Variants in TARBP1 observed in about 807,000 individuals in gnomAD.
TARBP1 encodes the protein tRNA (guanosine(18)-2'-O)-methyltransferase TARBP1.
A neutral mutation model predicts 178.6 loss-of-function variants in TARBP1; 144 were observed. That is an observed-to-expected ratio of 0.81 (90% CI 0.70 to 0.93). The LOEUF is 0.93. Ranked by LOEUF, TARBP1 falls within the 40% of genes least tolerant of loss-of-function variation. The probability of loss-of-function intolerance (pLI) is 0.00; values close to 1 mark genes in which losing one functional copy is unlikely to be tolerated. For synonymous variants in TARBP1, 787 were observed against 781.0 expected (o/e 1.01, Z -0.13); for missense variants, 2,067 against 2,011.7 (o/e 1.03, Z -0.53).
At chr1:234,411,023 T>C (rs1661755950) in intron 22 of TARBP1, among the ~76,000 whole-genome samples, 2 of 152,152 alleles carry the variant, frequency 1.3e-5, no homozygotes. Context: ...TTAGCTGAGA[T>C]CGTGCCACTG....
At chr1:234,433,378 A>T (rs780152244) in intron 14 of TARBP1, 32 bp downstream of exon 14, 1 of 1,600,188 alleles carries the variant, frequency 6.2e-7, no homozygotes, top group Non-Finnish European at 8.5e-7. Context: ...CTTATTCAAG[A>T]TAACTACAAA....
rs148832783 is a variant in TARBP1 at position 234,455,158 on chromosome 1, GACTTCTGGCCTCC to G, written c.1722+2496_1722+2508del. On this transcript the variant is annotated intron_variant, in intron 9 of 29. Coordinates refer to ENST00000040877, the MANE Select transcript of TARBP1 (RefSeq NM_005646.4). ...TTGCAGACGAGTGAAACGGATTCCA[GACTTCTGGCCTCC>G]AGAACTGTAAGGGAATAAATGTATG... is the stretch of plus-strand genomic sequence containing the variant. Among the ~76,000 whole-genome samples, 23 of 152,286 alleles carry G rather than the reference GACTTCTGGCCTCC, an allele frequency of 1.5e-4. No homozygotes were observed. The East Asian group carries it at 4.1e-3, about 27-fold the overall frequency.
intron 13 of TARBP1, among the ~76,000 whole-genome samples, chr1:234,435,928 T>C (rs1473414051): frequency 6.6e-6 from 1 of 152,142 alleles, no homozygotes; most frequent in Non-Finnish European, 1.5e-5. Flanking sequence ...AGAGAGTCAG[T>C]CATTAAACAC....
intron 12 of TARBP1, among the ~76,000 whole-genome samples, chr1:234,437,856 C>G (rs1665187133): frequency 6.6e-6 from 1 of 152,216 alleles, no homozygotes; most frequent in Non-Finnish European, 1.5e-5. Flanking sequence ...ACAGTGAGTA[C>G]TGGATTGCAG....
intron 12 of TARBP1, among the ~76,000 whole-genome samples, 196 bp from the exon 13 acceptor site, chr1:234,437,568 G>A (rs1665160392): frequency 6.6e-6 from 1 of 152,110 alleles, no homozygotes; most frequent in African/African-American, 2.4e-5. Context: ...TTCCAGTTGT[G>A]GGTAGGATGG....
At position 234,429,529 on chromosome 1, in the gene TARBP1, G is replaced by C; in HGVS notation, c.2758C>G (p.Pro920Ala). 1 of 1,614,158 alleles carries C rather than the reference G, an allele frequency of 6.2e-7. No homozygotes were observed. The highest frequency in any genetic ancestry group is 8.5e-7 in the Non-Finnish European group (1 of 1,180,042). ...TGSEILEPFL[P>A]AVQMPIRTLQ... is the part of the protein sequence containing the mutation. ...GTCCTTATTGGCATCTGAACGGCAG[G>C]TAGAAACGGTTCCAGAATTTCACTC... Residue 920 changes from proline (P) to alanine (A), a missense_variant, in exon 16 of 30, where the codon CCT (proline) becomes GCT (alanine). By Grantham distance (27) the Pro-to-Ala change is conservative. Coordinates refer to ENST00000040877, the MANE Select transcript of TARBP1 (RefSeq NM_005646.4).
chr1:234,437,992 A>G (rs1665204242), intron 12 of TARBP1, among the ~76,000 whole-genome samples: 1 of 152,242 alleles, frequency 6.6e-6, no homozygotes, highest in East Asian at 1.9e-4. Context: ...CTGAATGAAC[A>G]GAGTTGCCCA....
chr1:234,424,466 C>A (rs1037130958), intron 20 of TARBP1, among the ~76,000 whole-genome samples: 1 of 152,208 alleles, frequency 6.6e-6, no homozygotes, highest in Non-Finnish European at 1.5e-5. Flanking sequence ...ACATCACACA[C>A]CCAGATCTAG....
At chr1:234,445,003 TA>T (rs1459582020) in intron 12 of TARBP1, among the ~76,000 whole-genome samples, 1 of 152,178 alleles carries the variant, frequency 6.6e-6, no homozygotes, top group African/African-American at 2.4e-5. Flanking sequence ...CTGCTCTACA[TA>T]AAAAACTTGC....
At chr1:234,409,477 A>G (rs1661587035) in intron 23 of TARBP1, among the ~76,000 whole-genome samples, 1 of 152,234 alleles carries the variant, frequency 6.6e-6, no homozygotes, top group Non-Finnish European at 1.5e-5. Context: ...GAAAGACAAC[A>G]TTTGATCTTA....
At chr1:234,414,782 C>T (rs1355983346) in intron 22 of TARBP1, among the ~76,000 whole-genome samples, 1 of 152,098 alleles carries the variant, frequency 6.6e-6, no homozygotes. Flanking sequence ...GTCAGGAGTT[C>T]AAGACCAGCC....
Position 234,430,309 on chromosome 1 carries a change from G to C in TARBP1, c.2395-8C>G. The C allele has an allele frequency of 2.5e-6, 4 of 1,611,674 alleles. No homozygotes were observed. The highest frequency in any genetic ancestry group is 3.4e-6 in the Non-Finnish European group (4 of 1,179,286). ...ACTTCCAACTGTTGGCTCCTGAAAA[G>C]GAAATGTGACAATGTTTTATTTAAT... is the stretch of plus-strand genomic sequence containing the variant. On this transcript the variant is annotated splice_polypyrimidine_tract_variant and splice_region_variant and intron_variant, in intron 14 of 29. Coordinates refer to ENST00000040877, the MANE Select transcript of TARBP1 (RefSeq NM_005646.4).
rs752350242 is a variant in TARBP1 at position 234,467,615 on chromosome 1, T to C, written c.1135A>G (p.Ile379Val). ...TCACTTTCAAACATTCTTTTATAAATACACATATGCCAGGATGGGTGAAAG... is the reference window on the plus strand; with the variant it reads ...TCACTTTCAAACATTCTTTTATAAACACACATATGCCAGGATGGGTGAAAG... Reference protein sequence around the residue: ...WLFHPSWHMCIYKRMFESENK... With the variant: ...WLFHPSWHMCVYKRMFESENK... Residue 379 changes from isoleucine (I) to valine (V), a missense_variant, in exon 4 of 30, where the codon ATT becomes GTT. Transcript: ENST00000040877. 5.0e-6 allele frequency: 8 copies of C among 1,607,662 alleles called. No individual in the cohort carries two copies. The African/African-American group carries it at 1.1e-4, about 22-fold the overall frequency.
At chr1:234,396,596 G>A (rs576283512) in intron 26 of TARBP1, among the ~76,000 whole-genome samples, 13 of 152,120 alleles carry the variant, frequency 8.5e-5, no homozygotes, top group African/African-American at 1.2e-4. Context: ...TGTCTAACAC[G>A]CAGGAGACAA....
chr1:234,465,594 T>C (rs1668347738), intron 5 of TARBP1, 62 bp downstream of exon 5: 1 of 1,414,880 alleles, frequency 7.1e-7, no homozygotes, highest in Non-Finnish European at 9.4e-7. Context: ...TGAAACAATC[T>C]GGTCATGTCT....
In TARBP1 at chr1:234,391,585, TG is replaced by T. The variant is rs2103023723; in HGVS notation, c.4857del (p.Lys1620SerfsTer24). ...TRQQLLSHGD[T>X]KP ...TCACTAAGGAAGGCACATCATGGCTTGGTATCTCCGTGCGAGAGCAGCTGCT... is the reference window on the plus strand; with the variant it reads ...TCACTAAGGAAGGCACATCATGGCTTGTATCTCCGTGCGAGAGCAGCTGCT... On this transcript the variant is annotated frameshift_variant, in exon 30 of 30. Transcript: ENST00000040877. LOFTEE classifies it high-confidence loss of function. The T allele has an allele frequency of 6.2e-7, 1 of 1,608,874 alleles. No homozygotes were observed. Among genetic ancestry groups the T allele is most frequent in the East Asian group, 2.2e-5 (1 of 44,742 alleles).
chr1:234,434,817 G>A (rs1391337184), intron 13 of TARBP1, among the ~76,000 whole-genome samples: 1 of 151,964 alleles, frequency 6.6e-6, no homozygotes, highest in Non-Finnish European at 1.5e-5. Context: ...AAAGGTTAGG[G>A]AGCAGAGAAT....
rs552285860 is a variant in TARBP1 at position 234,404,789 on chromosome 1, C to A, written c.3989+1114G>T. The stretch of plus-strand genomic sequence containing the variant: ...CTAACTCTCTTTTTCTCCTGCTACT[C>A]CCCTGTTTTATTTCATGCTATTTAC... On this transcript the variant is annotated intron_variant, in intron 24 of 29. Transcript: ENST00000040877. Among the ~76,000 whole-genome samples, 3 of 152,322 alleles carry A rather than the reference C, an allele frequency of 2.0e-5. No individual in the cohort carries two copies. In the East Asian group the frequency reaches 5.8e-4, roughly 29 times the overall value.
intron 9 of TARBP1, among the ~76,000 whole-genome samples, chr1:234,456,742 T>C (rs1285249980): frequency 1.3e-5 from 2 of 152,202 alleles, no homozygotes; most frequent in Non-Finnish European, 2.9e-5. Context: ...AGAATACGTA[T>C]ATTCATAGGG....
Sources: allele counts gnomAD v4.1 joint callset (sites outside exome capture counted in the v4.1 genomes callset), GRCh38; gene constraint gnomAD v4.1.1; transcripts MANE v1.5; gene names NCBI Gene and HGNC (gene_info 2026-07-23, HGNC 2026-07-21).